The following LHFPL3 variants were observed in gnomAD, a reference collection of about 807,000 sequenced individuals.
The protein encoded by LHFPL3 is LHFPL tetraspan subfamily member 3 protein.
Under a neutral mutation model 19.3 loss-of-function variants are expected in LHFPL3, and 5 were observed. The observed-to-expected ratio is 0.26, with a 90% CI of 0.14 to 0.54. LHFPL3 has a LOEUF of 0.54. LHFPL3 is among the 20% of genes least tolerant of loss of function. The pLI is 0.94. For missense variants in LHFPL3, 249 were observed against 307.4 expected (o/e 0.81, Z 1.42); for synonymous variants, 133 against 126.2 (o/e 1.05, Z -0.36).
intron 1 of LHFPL3, among the ~76,000 whole-genome samples, chr7:104,345,181 C>T (rs1790039300): frequency 6.6e-6 from 1 of 152,078 alleles, no homozygotes; most frequent in Non-Finnish European, 1.5e-5. Flanking sequence ...TCTAAATTTT[C>T]AAATGTGTTG....
intron 2 of LHFPL3, among the ~76,000 whole-genome samples, chr7:104,775,164 G>C (rs1217827366): frequency 6.6e-6 from 1 of 152,204 alleles, no homozygotes; most frequent in Non-Finnish European, 1.5e-5. Flanking sequence ...GGCCAAGGCA[G>C]GCAGATCACT....
In LHFPL3 at chr7:104,492,563, C is replaced by A. The variant is rs149790480; in HGVS notation, c.445+163339C>A. 3.2e-3 allele frequency among the ~76,000 whole-genome samples: 492 copies of A among 152,332 alleles called. 3 individuals carry two copies. The highest frequency in any genetic ancestry group is 0.011 in the African/African-American group (452 of 41,582). The stretch of plus-strand genomic sequence containing the variant: ...TGATGGCCGTGTTTTGCATTTGGAA[C>A]CTTCCACATTTAGCACAGAGGAACT... On this transcript the variant is annotated intron_variant, in intron 1 of 2. Transcript: ENST00000424859.
At chr7:104,689,729 T>C (rs949782201) in intron 1 of LHFPL3, among the ~76,000 whole-genome samples, 4 of 152,196 alleles carry the variant, frequency 2.6e-5, no homozygotes, top group Admixed American at 6.5e-5. Flanking sequence ...TGAGCTGATG[T>C]TGATTCCAGG....
At chr7:104,627,047 G>A (rs1460652809) in intron 1 of LHFPL3, among the ~76,000 whole-genome samples, 1 of 151,484 alleles carries the variant, frequency 6.6e-6, no homozygotes, top group African/African-American at 2.4e-5. Context: ...ATTAACTATA[G>A]CCCACATGTT....
intron 2 of LHFPL3, among the ~76,000 whole-genome samples, chr7:104,769,612 C>T (rs1231969540): frequency 6.7e-6 from 1 of 150,052 alleles, no homozygotes; most frequent in Non-Finnish European, 1.5e-5. Context: ...TCTTTTAGCC[C>T]CCCCAACCCC....
intron 2 of LHFPL3, among the ~76,000 whole-genome samples, chr7:104,900,838 C>T (rs1792468461): frequency 1.3e-5 from 2 of 152,180 alleles, no homozygotes; most frequent in Admixed American, 6.5e-5. Context: ...TGGGCAACTC[C>T]GAGCCCATGA....
chr7:104,860,995 T>G (rs866448940), intron 2 of LHFPL3, among the ~76,000 whole-genome samples: 1 of 152,236 alleles, frequency 6.6e-6, no homozygotes, highest in African/African-American at 2.4e-5. Flanking sequence ...GACAATCTTG[T>G]GCTTTCCACT....
chr7:104,430,659 G>T (rs1396652315), intron 1 of LHFPL3, among the ~76,000 whole-genome samples: 2 of 149,516 alleles, frequency 1.3e-5, no homozygotes, highest in African/African-American at 2.4e-5. Flanking sequence ...TAGTAGAGAC[G>T]GGATTTCACC....
intron 1 of LHFPL3, among the ~76,000 whole-genome samples, chr7:104,366,182 G>A (rs1790492681): frequency 6.6e-6 from 1 of 152,154 alleles, no homozygotes; most frequent in African/African-American, 2.4e-5. Flanking sequence ...GGAAGTTTTG[G>A]ACACTCAGAG....
At chr7:104,497,388 AACACACACACAT>A (rs1793504325) in intron 1 of LHFPL3, among the ~76,000 whole-genome samples, 1 of 151,980 alleles carries the variant, frequency 6.6e-6, no homozygotes, top group East Asian at 1.9e-4. Context: ...TTTTAATTTA[AACACACACACAT>A]ACACACACAC....
At chr7:104,747,588 G>C (rs936408785) in intron 2 of LHFPL3, among the ~76,000 whole-genome samples, 2 of 152,172 alleles carry the variant, frequency 1.3e-5, no homozygotes, top group African/African-American at 4.8e-5. Flanking sequence ...GCAAATATAA[G>C]TAATACAATT....
At chr7:104,683,146 C>T (rs559626203) in intron 1 of LHFPL3, among the ~76,000 whole-genome samples, 175 of 152,256 alleles carry the variant, frequency 1.1e-3, no homozygotes, top group Non-Finnish European at 1.4e-3. Context: ...TGTGCCACCA[C>T]ACTCAGCTGA....
chr7:104,569,588 C>T (rs1001271031), intron 1 of LHFPL3, among the ~76,000 whole-genome samples: 2 of 152,084 alleles, frequency 1.3e-5, no homozygotes, highest in African/African-American at 4.8e-5. Context: ...ATTAGCATAG[C>T]CATCATTTCA....
chr7:104,877,625 T>G (rs1239334007), intron 2 of LHFPL3, among the ~76,000 whole-genome samples: 2 of 152,082 alleles, frequency 1.3e-5, no homozygotes, highest in South Asian at 4.1e-4. Context: ...ATAATAAGTG[T>G]TGATGAAGAT....
At chr7:104,830,634 G>C in intron 2 of LHFPL3, among the ~76,000 whole-genome samples, 1 of 151,958 alleles carries the variant, frequency 6.6e-6, no homozygotes, top group East Asian at 1.9e-4. Context: ...TCAAAGATCA[G>C]ATGGTTGTAG....
chr7:104,738,787 C>T (rs1793877795), intron 2 of LHFPL3: 1 of 152,160 alleles, frequency 6.6e-6, no homozygotes. Flanking sequence ...CTGATCCTTT[C>T]CGTCTGAGTC....
chr7:104,452,009 G>A (rs1180635053), intron 1 of LHFPL3, among the ~76,000 whole-genome samples: 1 of 152,098 alleles, frequency 6.6e-6, no homozygotes, highest in Non-Finnish European at 1.5e-5. Flanking sequence ...GACTCCCAAA[G>A]TGCTGAAATG....
chr7:104,486,922 T>C (rs900096949), intron 1 of LHFPL3, among the ~76,000 whole-genome samples: 2 of 152,194 alleles, frequency 1.3e-5, no homozygotes, highest in Non-Finnish European at 2.9e-5. Flanking sequence ...CTATAAATAT[T>C]TGCTTGTGAA....
chr7:104,520,546 G>T (rs1041602778), intron 1 of LHFPL3, among the ~76,000 whole-genome samples: 1 of 137,462 alleles, frequency 7.3e-6, no homozygotes, highest in African/African-American at 2.7e-5. Flanking sequence ...TTGTACCTCT[G>T]GTAGAATTCG....
Sources: gnomAD v4.1 joint callset for allele counts (sites outside exome capture counted in the v4.1 genomes callset) on GRCh38, gnomAD v4.1.1 for gene constraint, MANE v1.5 for transcripts, NCBI Gene and HGNC (gene_info 2026-07-23, HGNC 2026-07-21) for gene names.